Variants in OTOGL observed in about 807,000 individuals in gnomAD.
OTOGL encodes the protein otogelin like.
In OTOGL, 285 loss-of-function variants were observed where a neutral mutation model predicts 318.5. That is an observed-to-expected ratio of 0.89 (90% CI 0.81 to 0.99). The LOEUF (loss-of-function observed/expected upper bound fraction) is 0.99. OTOGL is among the 50% of genes least tolerant of loss of function. OTOGL has a pLI of 0.00. For synonymous variants in OTOGL, 987 were observed against 936.5 expected, an observed-to-expected ratio of 1.05 and a Z score of -0.99; for missense variants, 2,899 against 2,845.6, an observed-to-expected ratio of 1.02 and a Z score of -0.43.
intron 5 of OTOGL, among the ~76,000 whole-genome samples, chr12:80,219,065 T>C (rs2137341705): frequency 6.6e-6 from 1 of 152,266 alleles, no homozygotes; most frequent in South Asian, 2.1e-4. Flanking sequence ...AGTCTCCCTT[T>C]GAGTTTTATG....
intron 1 of OTOGL, among the ~76,000 whole-genome samples, chr12:80,187,199 G>A (rs761175313): frequency 2.0e-5 from 3 of 151,996 alleles, no homozygotes; most frequent in Admixed American, 6.5e-5. Flanking sequence ...TTCCCTAAAG[G>A]CCTCTTCACA....
At chr12:80,226,767 T>A (rs1259781348) in intron 7 of OTOGL, among the ~76,000 whole-genome samples, 2 of 152,196 alleles carry the variant, frequency 1.3e-5, no homozygotes, top group Admixed American at 1.3e-4. Context: ...GTAGTGGTGA[T>A]TAAGCAAGAA....
In OTOGL at chr12:80,353,346, A is replaced by T. The variant is rs755871184; in HGVS notation, c.5429A>T (p.Lys1810Met). Residue 1810 changes from lysine to methionine, a missense_variant, in exon 46 of 59, where the codon AAG becomes ATG. Coordinates refer to ENST00000547103, the MANE Select transcript of OTOGL (RefSeq NM_001378609.3). Reference protein sequence around the residue: ...DYCSLSCPEGKEYQPCVRPCE... With the variant: ...DYCSLSCPEGMEYQPCVRPCE... ...AAAGCCCTGAGTTGCCCAGAGGGGA[A>T]GGAATATCAACCCTGTGTGCGACCT... is the stretch of plus-strand genomic sequence containing the variant. 1 of 1,580,900 alleles carries T rather than the reference A, an allele frequency of 6.3e-7. No homozygotes were observed. Among genetic ancestry groups the T allele is most frequent in the Admixed American group, 1.8e-5 (1 of 56,430 alleles).
At chr12:80,308,702 C>T (rs567294435) in intron 29 of OTOGL, among the ~76,000 whole-genome samples, 2 of 152,090 alleles carry the variant, frequency 1.3e-5, no homozygotes, top group East Asian at 1.9e-4. Flanking sequence ...AACGAGACTC[C>T]GTCTGCAATC....
intron 49 of OTOGL, 36 bp from the exon 50 acceptor site, chr12:80,358,212 C>A: frequency 7.3e-7 from 1 of 1,369,148 alleles, no homozygotes; most frequent in Non-Finnish European, 1.0e-6. Context: ...TGGTTTTTAG[C>A]TCAGCTGTGA....
At chr12:80,207,627 A>G (rs1302393065) in intron 1 of OTOGL, among the ~76,000 whole-genome samples, 1 of 152,200 alleles carries the variant, frequency 6.6e-6, no homozygotes, top group Non-Finnish European at 1.5e-5. Context: ...GGAAACTGTG[A>G]AGGCAAGAGA....
intron 1 of OTOGL, among the ~76,000 whole-genome samples, chr12:80,126,978 G>A (rs535176122): frequency 2.3e-3 from 350 of 152,230 alleles, no homozygotes; most frequent in African/African-American, 7.9e-3. Flanking sequence ...ACACTGATGG[G>A]TCTTGACTCT....
chr12:80,145,720 C>T (rs1872307386), intron 1 of OTOGL, among the ~76,000 whole-genome samples: 2 of 151,896 alleles, frequency 1.3e-5, no homozygotes, highest in African/African-American at 2.4e-5. Context: ...TGTTTGTATC[C>T]TCTTTTATTT....
chr12:80,376,179 T>A (rs1189411454), intron 57 of OTOGL, among the ~76,000 whole-genome samples: 2 of 152,174 alleles, frequency 1.3e-5, no homozygotes, highest in African/African-American at 4.8e-5. Context: ...ATGAGTGACC[T>A]TGAGGACAGT....
intron 37 of OTOGL, among the ~76,000 whole-genome samples, chr12:80,329,748 C>A (rs1432542493): frequency 6.6e-6 from 1 of 152,176 alleles, no homozygotes; most frequent in African/African-American, 2.4e-5. Flanking sequence ...TAATGTAGGT[C>A]AAGTTCAGAT....
At chr12:80,174,625 T>C (rs1874410221) in intron 1 of OTOGL, among the ~76,000 whole-genome samples, 1 of 152,182 alleles carries the variant, frequency 6.6e-6, no homozygotes, top group African/African-American at 2.4e-5. Context: ...TGTGAGAACA[T>C]ATTGGCTAAA....
intron 1 of OTOGL, among the ~76,000 whole-genome samples, chr12:80,122,894 TTTTTTA>T (rs1490585160): frequency 9.7e-6 from 1 of 103,472 alleles, no homozygotes; most frequent in African/African-American, 4.5e-5. Context: ...TTATTTTTAT[TTTTTTA>T]TTTTTATTTT....
rs1386046705 is a variant in OTOGL at position 80,255,066 on chromosome 12, C to A, written c.1468C>A (p.His490Asn). ...PVQCSVVGDS[H>N]FTTFDGRHYS... Reference sequence around the variant, plus strand: ...TCAATGCTCAGTTGTAGGTGATTCTCACTTTACAACTTTTGATGGTCGACA... The same window carrying A: ...TCAATGCTCAGTTGTAGGTGATTCTAACTTTACAACTTTTGATGGTCGACA... The change falls in exon 16 of 59, where the codon CAC becomes AAC. Residue 490 changes from histidine (H) to asparagine (N), a missense_variant. By Grantham distance (68) the His-to-Asn change is moderately conservative. This residue lies in a region of OTOGL where 2,607 missense variants were observed against 2,524.9 expected (regional missense o/e 1.03). Coordinates refer to ENST00000547103, the MANE Select transcript of OTOGL (RefSeq NM_001378609.3). 2 of 1,501,346 alleles carry A rather than the reference C, an allele frequency of 1.3e-6. No homozygotes were observed. Among genetic ancestry groups the A allele is most frequent in the Non-Finnish European group, 1.8e-6 (2 of 1,128,770 alleles). The allele number at this position is 1,501,346 out of a possible 1,614,324, so 93.0% of individuals were successfully genotyped here. A position where few individuals can be genotyped will look rare whatever the true frequency, so the allele number is the denominator to read the frequency against.
intron 1 of OTOGL, among the ~76,000 whole-genome samples, chr12:80,116,666 A>C (rs978524860): frequency 1.3e-5 from 2 of 152,204 alleles, no homozygotes; most frequent in South Asian, 2.1e-4. Flanking sequence ...ATGCAATCCC[A>C]GGAAAGCTGG....
In OTOGL at chr12:80,368,308, C is replaced by T. The variant is rs574033095; in HGVS notation, c.6614C>T (p.Ala2205Val). The T allele has an allele frequency of 3.6e-5, 57 of 1,571,952 alleles. No individual in the cohort carries two copies. The highest frequency in any genetic ancestry group is 5.8e-5 in the South Asian group (5 of 86,878). Residue 2205 changes from alanine (A) to valine (V), a missense_variant and splice_region_variant, in exon 55 of 59, where the codon GCG (alanine) becomes GTG (valine). Ala to Val is a moderately conservative substitution (Grantham distance 64, BLOSUM62 0). Around this residue, in one of 3 missense-constraint regions of OTOGL, gnomAD observed 289 missense variants for 304.6 expected, o/e 0.95. Transcript: ENST00000547103. ...HMENGTSVVY[A>V]VGSTWHYNCT... ...GAAAATGGAACATCAGTTGTATACG[C>T]GGTATGTTTCATGGAGAGTAATGCT...
intron 43 of OTOGL, among the ~76,000 whole-genome samples, 155 bp downstream of exon 43, chr12:80,339,419 C>A: frequency 7.0e-6 from 1 of 142,112 alleles, no homozygotes; most frequent in Non-Finnish European, 1.5e-5. Context: ...CGGAAGGAAG[C>A]AATGATTTTT....
chr12:80,156,113 T>G (rs1169653629), intron 1 of OTOGL, among the ~76,000 whole-genome samples: 4 of 152,208 alleles, frequency 2.6e-5, no homozygotes. Context: ...AGATTAACAT[T>G]TGAGTCCGTG....
intron 11 of OTOGL, among the ~76,000 whole-genome samples, chr12:80,249,078 CAA>C (rs1881211562): frequency 1.4e-5 from 2 of 145,940 alleles, no homozygotes; most frequent in South Asian, 4.3e-4. Context: ...AAATTTTTTT[CAA>C]AGTTTTCAAC....
At chr12:80,358,465 C>A in intron 50 of OTOGL, 116 bp downstream of exon 50, 1 of 890,146 alleles carries the variant, frequency 1.1e-6, no homozygotes, top group Non-Finnish European at 1.7e-6. Context: ...ATTTGATGAG[C>A]TATCCTAGCA....
Sources: allele counts gnomAD v4.1 joint callset (sites outside exome capture counted in the v4.1 genomes callset), GRCh38; gene constraint gnomAD v4.1.1; regional missense constraint gnomAD v4.1.1; transcripts MANE v1.5; gene names NCBI Gene and HGNC (gene_info 2026-07-23, HGNC 2026-07-21).